The following EIPR1 variants were observed in gnomAD, a reference collection of about 807,000 sequenced individuals.
EIPR1 encodes EARP and GARP complex-interacting protein 1.
Under a neutral mutation model 48.1 loss-of-function variants are expected in EIPR1, and 25 were observed. That is an observed-to-expected ratio of 0.52 (90% CI 0.38 to 0.73). The LOEUF is 0.73. Ranked by LOEUF, EIPR1 falls within the 30% of genes least tolerant of loss-of-function variation. EIPR1 has a pLI of 0.00. For missense variants in EIPR1, 415 were observed against 506.2 expected, an observed-to-expected ratio of 0.82 and a Z score of 1.73; for synonymous variants, 204 against 201.9, an observed-to-expected ratio of 1.01 and a Z score of -0.09.
At chr2:3,279,287 C>A (rs542576803) in intron 3 of EIPR1, among the ~76,000 whole-genome samples, 8 of 152,172 alleles carry the variant, frequency 5.3e-5, no homozygotes, top group Non-Finnish European at 8.8e-5. Flanking sequence ...TTTTCCCACA[C>A]TGGAATATCA....
chr2:3,200,062 T>C (rs1664973649), intron 5 of EIPR1, among the ~76,000 whole-genome samples: 3 of 151,938 alleles, frequency 2.0e-5, no homozygotes, highest in African/African-American at 7.3e-5. Context: ...AGGGCTGAGG[T>C]GGCACCTGGG....
Position 3,260,354 on chromosome 2 carries a change from G to A in EIPR1, c.260-2899C>T, listed in dbSNP as rs979257440. Among the ~76,000 whole-genome samples the A allele has an allele frequency of 1.5e-4, 23 of 152,222 alleles. No individual in the cohort carries two copies. In the Middle Eastern group the frequency reaches 0.01, roughly 68 times the overall value. On this transcript the variant is annotated intron_variant, in intron 3 of 8. Coordinates refer to ENST00000382125, the MANE Select transcript of EIPR1 (RefSeq NM_003310.5). ...AAACATATAAAAATTAGCTGGGCATGGTGGTGGGCGCCTATAATCCCAGCT... is the reference window on the plus strand; with the variant it reads ...AAACATATAAAAATTAGCTGGGCATAGTGGTGGGCGCCTATAATCCCAGCT...
At chr2:3,307,168 G>A (rs1423531013) in intron 3 of EIPR1, among the ~76,000 whole-genome samples, 1 of 152,004 alleles carries the variant, frequency 6.6e-6, no homozygotes, top group Admixed American at 6.6e-5. Flanking sequence ...TACCATGTTG[G>A]ACAGGCTGGT....
chr2:3,244,724 C>T (rs1666742851), intron 4 of EIPR1, among the ~76,000 whole-genome samples: 1 of 152,218 alleles, frequency 6.6e-6, no homozygotes, highest in South Asian at 2.1e-4. Context: ...ACTTCCCAAC[C>T]TCCAGAACTT....
At chr2:3,262,681 T>C (rs924059697) in intron 3 of EIPR1, among the ~76,000 whole-genome samples, 5 of 152,192 alleles carry the variant, frequency 3.3e-5, no homozygotes, top group East Asian at 1.9e-4. Flanking sequence ...GAGAGCCCGG[T>C]TGGAGTCACC....
chr2:3,201,709 C>T (rs529021026), intron 5 of EIPR1, among the ~76,000 whole-genome samples: 1 of 152,282 alleles, frequency 6.6e-6, no homozygotes, highest in South Asian at 2.1e-4. Context: ...CACAAGAAAA[C>T]CTTTAGTAAA....
intron 4 of EIPR1, among the ~76,000 whole-genome samples, chr2:3,225,721 G>C (rs1666043089): frequency 6.6e-6 from 1 of 152,072 alleles, no homozygotes; most frequent in Non-Finnish European, 1.5e-5. Context: ...CAGTTCTCGT[G>C]CTGTACATGA....
At chr2:3,264,612 G>A (rs1327999253) in intron 3 of EIPR1, among the ~76,000 whole-genome samples, 1 of 152,226 alleles carries the variant, frequency 6.6e-6, no homozygotes, top group Non-Finnish European at 1.5e-5. Flanking sequence ...TGTTAGCCAC[G>A]TGCGAGTTCA....
chr2:3,219,915 G>C (rs1186740095), intron 4 of EIPR1, among the ~76,000 whole-genome samples: 2 of 152,236 alleles, frequency 1.3e-5, no homozygotes, highest in Non-Finnish European at 2.9e-5. Context: ...TCCATATCCT[G>C]TTAGGAACTA....
intron 3 of EIPR1, among the ~76,000 whole-genome samples, chr2:3,329,166 G>T (rs71279311): frequency 6.9e-4 from 34 of 49,240 alleles, no homozygotes; most frequent in East Asian, 5.5e-3. Flanking sequence ...CCACCCACCA[G>T]GCTCTAATGA....
At chr2:3,264,693 T>A (rs1667434419) in intron 3 of EIPR1, among the ~76,000 whole-genome samples, 1 of 147,994 alleles carries the variant, frequency 6.8e-6, no homozygotes, top group Non-Finnish European at 1.5e-5. Flanking sequence ...TTTTTGTTTG[T>A]TTGTTTGTTT....
intron 3 of EIPR1, among the ~76,000 whole-genome samples, chr2:3,292,623 A>G (rs1668404269): frequency 6.6e-6 from 1 of 152,220 alleles, no homozygotes; most frequent in African/African-American, 2.4e-5. Context: ...TCCGTGCCAG[A>G]GCCGGAACTC....
chr2:3,308,521 A>G (rs1473036454), intron 3 of EIPR1, among the ~76,000 whole-genome samples: 1 of 152,222 alleles, frequency 6.6e-6, no homozygotes, highest in East Asian at 1.9e-4. Flanking sequence ...AAAAAAATGA[A>G]CAGCCTCAGG....
intron 3 of EIPR1, among the ~76,000 whole-genome samples, chr2:3,291,339 C>G (rs991237183): frequency 6.6e-6 from 1 of 152,154 alleles, no homozygotes; most frequent in African/African-American, 2.4e-5. Context: ...ACGCACAGTT[C>G]TGCCGTGTAC....
intron 4 of EIPR1, among the ~76,000 whole-genome samples, chr2:3,243,196 G>A (rs1017472584): frequency 6.6e-6 from 1 of 152,174 alleles, no homozygotes; most frequent in African/African-American, 2.4e-5. Context: ...AGGAAGATAC[G>A]GGCTGCACAT....
At chr2:3,301,320 G>C (rs1262266779) in intron 3 of EIPR1, 3 of 152,102 alleles carry the variant, frequency 2.0e-5, no homozygotes, top group Admixed American at 2.0e-4. Flanking sequence ...ATGGAGGCAG[G>C]TCCCGGGGAC....
chr2:3,281,722 T>A (rs980054323), intron 3 of EIPR1, among the ~76,000 whole-genome samples: 1 of 152,222 alleles, frequency 6.6e-6, no homozygotes, highest in Admixed American at 6.5e-5. Context: ...AATATTCTTA[T>A]TTTTACCTGT....
chr2:3,229,310 T>C (rs1666165380), intron 4 of EIPR1, among the ~76,000 whole-genome samples: 1 of 152,264 alleles, frequency 6.6e-6, no homozygotes, highest in South Asian at 2.1e-4. Context: ...GTGTGCCTGC[T>C]GCTTTAGCAC....
At chr2:3,235,448 G>GA (rs1666375961) in intron 4 of EIPR1, among the ~76,000 whole-genome samples, 1 of 26,842 alleles carries the variant, frequency 3.7e-5, no homozygotes, top group Non-Finnish European at 1.4e-4. Flanking sequence ...ACGCGTGCGC[G>GA]CACACACACA....
Sources: allele counts gnomAD v4.1 joint callset (sites outside exome capture counted in the v4.1 genomes callset), GRCh38; gene constraint gnomAD v4.1.1; transcripts MANE v1.5; gene names NCBI Gene and HGNC (gene_info 2026-07-23, HGNC 2026-07-21).